PTPRK: variants seen among roughly 807,000 people sequenced by gnomAD.
PTPRK encodes the protein protein tyrosine phosphatase receptor type K.
In PTPRK, 75 loss-of-function variants were observed where a neutral mutation model predicts 178.0. That is an observed-to-expected ratio of 0.42 (90% CI 0.35 to 0.51). The LOEUF (loss-of-function observed/expected upper bound fraction) is 0.51. Ranked by LOEUF, PTPRK falls within the 20% of genes least tolerant of loss-of-function variation. The pLI, the probability that PTPRK is intolerant of heterozygous loss-of-function variation, is 0.02. For synonymous variants in PTPRK, 637 were observed against 620.6 expected (o/e 1.03, Z -0.39); for missense variants, 1,441 against 1,797.8 (o/e 0.80, Z 3.59).
intron 1 of PTPRK, among the ~76,000 whole-genome samples, chr6:128,402,992 C>A (rs1416787128): frequency 3.3e-5 from 5 of 152,136 alleles, no homozygotes; most frequent in Admixed American, 6.5e-5. Context: ...CTAACTCCTT[C>A]ATTAAGGAAA....
intron 1 of PTPRK, among the ~76,000 whole-genome samples, chr6:128,417,148 G>C (rs1192977532): frequency 6.6e-6 from 1 of 151,716 alleles, no homozygotes; most frequent in African/African-American, 2.4e-5. Context: ...GCCTTGGAAA[G>C]TAATTCCTTT....
chr6:128,417,695 G>A (rs776081753), intron 1 of PTPRK, among the ~76,000 whole-genome samples: 10 of 152,088 alleles, frequency 6.6e-5, no homozygotes, highest in Non-Finnish European at 1.5e-4. Context: ...AAATTTGTTC[G>A]ATCATCATGG....
chr6:128,122,240 CAT>C (rs780581713), intron 7 of PTPRK, among the ~76,000 whole-genome samples: 1 of 152,054 alleles, frequency 6.6e-6, no homozygotes, highest in South Asian at 2.1e-4. Flanking sequence ...TAAAATAGCA[CAT>C]GTGTGCATGT....
At chr6:128,113,883 C>T (rs1448527436) in intron 7 of PTPRK, among the ~76,000 whole-genome samples, 2 of 152,108 alleles carry the variant, frequency 1.3e-5, no homozygotes, top group African/African-American at 2.4e-5. Context: ...CATATATATA[C>T]TATCCTTAAT....
At chr6:128,512,332 T>C (rs1275227859) in intron 1 of PTPRK, among the ~76,000 whole-genome samples, 1 of 152,226 alleles carries the variant, frequency 6.6e-6, no homozygotes, top group Non-Finnish European at 1.5e-5. Context: ...ATAGAGAACG[T>C]TGCTATTATC....
chr6:128,252,324 TATA>T (rs754232803), intron 3 of PTPRK, among the ~76,000 whole-genome samples: 1 of 152,226 alleles, frequency 6.6e-6, no homozygotes. Flanking sequence ...ATGTTGAAGT[TATA>T]ATAATAGTCC....
At chr6:128,028,508 T>G (rs1774711719) in intron 13 of PTPRK, among the ~76,000 whole-genome samples, 1 of 152,242 alleles carries the variant, frequency 6.6e-6, no homozygotes, top group Admixed American at 6.5e-5. Context: ...TCTTGAACAC[T>G]GCATTAACTT....
chr6:128,393,695 G>A (rs1839919688), intron 2 of PTPRK, among the ~76,000 whole-genome samples: 1 of 152,184 alleles, frequency 6.6e-6, no homozygotes, highest in Non-Finnish European at 1.5e-5. Flanking sequence ...TAGTAGGGAG[G>A]AGAGAATCCA....
At chr6:128,057,274 G>C (rs61061387) in intron 13 of PTPRK, among the ~76,000 whole-genome samples, 1 of 152,118 alleles carries the variant, frequency 6.6e-6, no homozygotes, top group South Asian at 2.1e-4. Flanking sequence ...GTACAGAAAA[G>C]AGTTAACGTA....
At chr6:127,995,166 G>A (rs1356292435) in intron 18 of PTPRK, 1 of 1,325,118 alleles carries the variant, frequency 7.5e-7, no homozygotes, top group Non-Finnish European at 1.1e-6. Flanking sequence ...ATAACTAGTA[G>A]TAACAGAGCG....
At chr6:128,032,382 G>A (rs1420987994) in intron 13 of PTPRK, among the ~76,000 whole-genome samples, 1 of 152,128 alleles carries the variant, frequency 6.6e-6, no homozygotes, top group Non-Finnish European at 1.5e-5. Context: ...AGCCAGTTAT[G>A]CGGTTCAGAT....
intron 3 of PTPRK, among the ~76,000 whole-genome samples, chr6:128,274,034 T>A (rs1820332389): frequency 6.6e-6 from 1 of 152,124 alleles, no homozygotes; most frequent in Non-Finnish European, 1.5e-5. Context: ...CAGAATCTAC[T>A]AGACTAACAG....
intron 3 of PTPRK, among the ~76,000 whole-genome samples, chr6:128,282,860 T>C (rs1457497820): frequency 6.6e-6 from 1 of 152,084 alleles, no homozygotes; most frequent in Non-Finnish European, 1.5e-5. Flanking sequence ...ACTTGTGAGA[T>C]AAAGAGGCAA....
rs551738237 is a variant in PTPRK, at chr6:128,109,899, C to T, written c.1163-19907G>A. Among the ~76,000 whole-genome samples the T allele has an allele frequency of 8.6e-5, 13 of 151,852 alleles. No individual in the cohort carries two copies. The South Asian group carries it at 1.7e-3, about 19-fold the overall frequency. ...CATAAGTAAAGCAAGTGTATACACA[C>T]TACTTTTTTGGGGGGGGAGGAGGAG... On this transcript the variant is annotated intron_variant, in intron 7 of 29. Transcript: ENST00000368226.
rs1178472197 is a variant in PTPRK at position 127,969,391 on chromosome 6, T to A, written c.*836A>T. 1 of 152,202 alleles carries A rather than the reference T, an allele frequency of 6.6e-6. No homozygotes were observed. The highest frequency in any genetic ancestry group is 1.5e-5 in the Non-Finnish European group (1 of 68,032). 9.4% of individuals were successfully genotyped at this position (152,202 alleles called of 1,614,324 possible). A position where few individuals can be genotyped will look rare whatever the true frequency, so the allele number is the denominator to read the frequency against. ...CCAAGGGATTTTACACAAATTTAAT[T>A]CACAAGCATGTACACAAGAGAATCA... On this transcript the variant is annotated 3_prime_UTR_variant, in exon 30 of 30. Coordinates refer to ENST00000368226, the MANE Select transcript of PTPRK (RefSeq NM_002844.4).
chr6:128,064,316 C>T (rs1781381959), intron 13 of PTPRK, among the ~76,000 whole-genome samples: 1 of 152,182 alleles, frequency 6.6e-6, no homozygotes, highest in South Asian at 2.1e-4. Context: ...GCTAACTGCA[C>T]TACTGATGAA....
chr6:128,289,565 T>G (rs1278009340), intron 3 of PTPRK, among the ~76,000 whole-genome samples: 8 of 152,166 alleles, frequency 5.3e-5, no homozygotes, highest in African/African-American at 1.9e-4. Flanking sequence ...ATATTTTTAA[T>G]AAAGAGCAAT....
At chr6:128,134,751 C>A (rs1298072719) in intron 7 of PTPRK, among the ~76,000 whole-genome samples, 1 of 152,136 alleles carries the variant, frequency 6.6e-6, no homozygotes, top group African/African-American at 2.4e-5. Context: ...GTCGAGGCTG[C>A]AGTGATTGTA....
chr6:128,024,929 T>C (rs899696278), intron 13 of PTPRK, among the ~76,000 whole-genome samples: 1 of 152,206 alleles, frequency 6.6e-6, no homozygotes, highest in African/African-American at 2.4e-5. Context: ...TTTTGCAATT[T>C]ATTAACATGT....
Sources: allele counts gnomAD v4.1 joint callset (sites outside exome capture counted in the v4.1 genomes callset), GRCh38; gene constraint gnomAD v4.1.1; transcripts MANE v1.5; gene names NCBI Gene and HGNC (gene_info 2026-07-23, HGNC 2026-07-21).